The following NPLOC4 variants were observed in gnomAD, a reference collection of about 807,000 sequenced individuals.
NPLOC4 encodes the protein nuclear protein localization protein 4 homolog.
A neutral mutation model predicts 80.6 loss-of-function variants in NPLOC4; 18 were observed. The observed-to-expected ratio is 0.22, with a 90% confidence interval of 0.15 to 0.33. The LOEUF is 0.33. Among genes scored for constraint, NPLOC4 ranks in the 10% least tolerant of loss-of-function variants. The probability of loss-of-function intolerance (pLI) is 1.00; values close to 1 mark genes in which losing one functional copy is unlikely to be tolerated. For missense variants in NPLOC4, 540 were observed against 786.1 expected, an observed-to-expected ratio of 0.69 and a Z score of 3.74; for synonymous variants, 313 against 301.5, an observed-to-expected ratio of 1.04 and a Z score of -0.39.
intron 12 of NPLOC4, among the ~76,000 whole-genome samples, chr17:81,583,128 T>C (rs1179458982): frequency 1.3e-5 from 2 of 152,240 alleles, no homozygotes; most frequent in Non-Finnish European, 2.9e-5. Flanking sequence ...TCAAGAGAGA[T>C]GTTAGTGTGA....
rs1397352139 is a variant in NPLOC4 at position 81,576,854 on chromosome 17, G to A, written c.1282-4766C>T. On this transcript the variant is annotated intron_variant, in intron 12 of 16. Coordinates refer to ENST00000331134, the MANE Select transcript of NPLOC4 (RefSeq NM_017921.4). The stretch of plus-strand genomic sequence containing the variant: ...CCTGCCTGGTCCTTGCCAGAGTCAC[G>A]GGCGCGAGGGCAAGGCTGGTCTGCA... Among the ~76,000 whole-genome samples the A allele has an allele frequency of 2.0e-5, 3 of 152,268 alleles. No individual in the cohort carries two copies. In the East Asian group the frequency reaches 5.8e-4, roughly 29 times the overall value.
At chr17:81,626,798 T>C (rs1482485357) in intron 2 of NPLOC4, among the ~76,000 whole-genome samples, 3 of 152,028 alleles carry the variant, frequency 2.0e-5, no homozygotes, top group South Asian at 4.2e-4. Flanking sequence ...TAATAATAAT[T>C]TTAAAATGGA....
At chr17:81,620,392 AG>A (rs1427103717) in intron 3 of NPLOC4, among the ~76,000 whole-genome samples, 2 of 152,190 alleles carry the variant, frequency 1.3e-5, no homozygotes, top group Non-Finnish European at 2.9e-5. Context: ...GCTACTCAGG[AG>A]GCTGAGGCAG....
At chr17:81,559,639 T>C (rs1194825146) in intron 16 of NPLOC4, among the ~76,000 whole-genome samples, 1 of 151,860 alleles carries the variant, frequency 6.6e-6, no homozygotes, top group Non-Finnish European at 1.5e-5. Flanking sequence ...AGGGAGCCTG[T>C]GCTTGCTGGT....
chr17:81,624,592 C>T (rs923527736), intron 2 of NPLOC4, among the ~76,000 whole-genome samples: 1 of 151,806 alleles, frequency 6.6e-6, no homozygotes, highest in Non-Finnish European at 1.5e-5. Flanking sequence ...AACAAGACTC[C>T]ACCTCAAAAA....
intron 12 of NPLOC4, among the ~76,000 whole-genome samples, chr17:81,576,896 T>A (rs1231621350): frequency 6.6e-6 from 1 of 152,124 alleles, no homozygotes; most frequent in Non-Finnish European, 1.5e-5. Flanking sequence ...CCTGCAAGTG[T>A]CCACCCTGCC....
At chr17:81,582,392 CTG>C (rs914043797) in intron 12 of NPLOC4, among the ~76,000 whole-genome samples, 2 of 152,200 alleles carry the variant, frequency 1.3e-5, no homozygotes, top group East Asian at 3.8e-4. Context: ...TAGCGGTGTT[CTG>C]TGTGTGTATG....
At chr17:81,602,779 C>T (rs1335342797) in intron 8 of NPLOC4, among the ~76,000 whole-genome samples, 1 of 151,246 alleles carries the variant, frequency 6.6e-6, no homozygotes, top group Non-Finnish European at 1.5e-5. Flanking sequence ...GTGGCTTATG[C>T]TTGTAATCCC....
intron 12 of NPLOC4, among the ~76,000 whole-genome samples, chr17:81,585,179 A>AAAAG (rs2034544029): frequency 1.3e-5 from 2 of 149,078 alleles, no homozygotes; most frequent in African/African-American, 5.0e-5. Flanking sequence ...CCAAAAAAAA[A>AAAAG]AAAAAAAAAA....
At chr17:81,594,657 C>G (rs974268964) in intron 11 of NPLOC4, among the ~76,000 whole-genome samples, 11 of 152,042 alleles carry the variant, frequency 7.2e-5, no homozygotes, top group African/African-American at 2.2e-4. Flanking sequence ...CTCCTATAGT[C>G]CCAGCTACTC....
chr17:81,567,332 T>C lies in NPLOC4; in HGVS notation c.1566+85A>G. 1 of 816,008 alleles carries C rather than the reference T, an allele frequency of 1.2e-6. No individual in the cohort carries two copies. Among genetic ancestry groups the C allele is most frequent in the South Asian group, 1.5e-5 (1 of 65,266 alleles). 50.5% of individuals were successfully genotyped at this position (816,008 alleles called of 1,614,324 possible). A position where few individuals can be genotyped will look rare whatever the true frequency, so the allele number is the denominator to read the frequency against. The stretch of plus-strand genomic sequence containing the variant: ...ACCCAGTTTCCCAATCATGCTCTGG[T>C]CTGGGAGGAAAGAAAGCAAGACACA... On this transcript the variant is annotated intron_variant, in intron 15 of 16. Coordinates refer to ENST00000331134, the MANE Select transcript of NPLOC4 (RefSeq NM_017921.4). The surrounding 1 kb of genome is among the most constrained non-coding windows in gnomAD (Gnocchi z 4.5).
chr17:81,574,709 T>A (rs2034247257), intron 12 of NPLOC4, among the ~76,000 whole-genome samples: 1 of 152,114 alleles, frequency 6.6e-6, no homozygotes, highest in Non-Finnish European at 1.5e-5. Flanking sequence ...GATGTCTTTG[T>A]TAGCTCAAAA....
At chr17:81,598,210 T>C (rs1055773237) in intron 9 of NPLOC4, among the ~76,000 whole-genome samples, 7 of 151,354 alleles carry the variant, frequency 4.6e-5, no homozygotes, top group African/African-American at 1.7e-4. Flanking sequence ...TGAATCTACA[T>C]CAACAGGTTC....
chr17:81,616,501 C>T lies in NPLOC4; in HGVS notation c.210-3007G>A, dbSNP rs1196566466. The stretch of plus-strand genomic sequence containing the variant: ...ATCCCAGCACGTTGGGAGGCCGAGG[C>T]AGGAGGATCATGAGGTCAGGAGATT... On this transcript the variant is annotated intron_variant, in intron 3 of 16. Transcript: ENST00000331134. Among the ~76,000 whole-genome samples, 5 of 151,612 alleles carry T rather than the reference C, an allele frequency of 3.3e-5. No individual in the cohort carries two copies. In the East Asian group the frequency reaches 7.8e-4, roughly 24 times the overall value.
chr17:81,601,993 A>C (rs2144203529), intron 8 of NPLOC4, among the ~76,000 whole-genome samples: 1 of 152,328 alleles, frequency 6.6e-6, no homozygotes, highest in African/African-American at 2.4e-5. Flanking sequence ...GGTGATCTCC[A>C]CAAGACAGTG....
intron 1 of NPLOC4, among the ~76,000 whole-genome samples, chr17:81,633,877 T>TC (rs1032068239): frequency 1.3e-4 from 20 of 151,444 alleles, no homozygotes; most frequent in African/African-American, 4.6e-4. Context: ...AGCTAATTTT[T>TC]TTTTTTTTTT....
At chr17:81,565,880 G>A (rs2033995251) in intron 15 of NPLOC4, among the ~76,000 whole-genome samples, 1 of 152,250 alleles carries the variant, frequency 6.6e-6, no homozygotes, top group African/African-American at 2.4e-5. Context: ...CCGGAGGATA[G>A]GAGCTCATGC....
intron 12 of NPLOC4, among the ~76,000 whole-genome samples, chr17:81,586,503 G>C (rs1425920430): frequency 6.6e-6 from 1 of 151,974 alleles, no homozygotes; most frequent in Non-Finnish European, 1.5e-5. Flanking sequence ...CCAACTACTC[G>C]GGAGGCTGAG....
intron 1 of NPLOC4, among the ~76,000 whole-genome samples, chr17:81,631,336 G>C (rs1788903999): frequency 6.6e-6 from 1 of 150,432 alleles, no homozygotes; most frequent in East Asian, 1.9e-4. Flanking sequence ...CTTTAGCCTA[G>C]GAATTCGAGA....
Sources: gnomAD v4.1 joint callset for allele counts (sites outside exome capture counted in the v4.1 genomes callset) on GRCh38, gnomAD v4.1.1 for gene constraint, Gnocchi (gnomAD v3.1) non-coding constraint, MANE v1.5 for transcripts, NCBI Gene and HGNC (gene_info 2026-07-23, HGNC 2026-07-21) for gene names.